The following SPATS2 variants were observed in gnomAD, a reference collection of about 807,000 sequenced individuals.
The protein encoded by SPATS2 is spermatogenesis-associated serine-rich protein 2.
In SPATS2, 38 loss-of-function variants were observed where a neutral mutation model predicts 63.7. That is an observed-to-expected ratio of 0.60 (90% confidence interval 0.46 to 0.78). The LOEUF (loss-of-function observed/expected upper bound fraction) is 0.78. Ranked by LOEUF, SPATS2 falls within the 30% of genes least tolerant of loss-of-function variation. SPATS2 has a pLI of 0.00. For synonymous variants in SPATS2, 207 were observed against 232.9 expected, an observed-to-expected ratio of 0.89 and a Z score of 1.01; for missense variants, 588 against 666.2, an observed-to-expected ratio of 0.88 and a Z score of 1.29.
At chr12:49,368,211 T>A (rs1257041817) in intron 1 of SPATS2, among the ~76,000 whole-genome samples, 1 of 152,236 alleles carries the variant, frequency 6.6e-6, no homozygotes, top group East Asian at 1.9e-4. Flanking sequence ...TTAGGTTCTT[T>A]TAGAAAGTGG....
rs61192626 is a variant in SPATS2 at position 49,507,438 on chromosome 12, G to A, written c.840-7117G>A. 6.0e-3 allele frequency among the ~76,000 whole-genome samples: 911 copies of A among 152,266 alleles called. 10 individuals carry two copies. The highest frequency in any genetic ancestry group is 0.02 in the African/African-American group (832 of 41,544). On this transcript the variant is annotated intron_variant, in intron 9 of 13. Coordinates refer to ENST00000552918, the MANE Select transcript of SPATS2 (RefSeq NM_023071.4). The stretch of plus-strand genomic sequence containing the variant: ...GCTATGGGGCAATAGTGAAAGTAGC[G>A]AGGGATGAAGTCAGAGGCTGAGGTA...
chr12:49,513,650 T>G (rs1467417090), intron 9 of SPATS2, among the ~76,000 whole-genome samples: 2 of 152,210 alleles, frequency 1.3e-5, no homozygotes, highest in Non-Finnish European at 2.9e-5. Flanking sequence ...TATGTGTTTC[T>G]CAGAAACTAG....
intron 3 of SPATS2, among the ~76,000 whole-genome samples, chr12:49,477,767 C>T (rs1458502252): frequency 6.6e-6 from 1 of 152,100 alleles, no homozygotes; most frequent in Admixed American, 6.6e-5. Context: ...TTCTAAATTT[C>T]CCTGATGTGC....
At position 49,526,299 on chromosome 12, in the gene SPATS2, C is replaced by G; in HGVS notation, c.*44C>G. 2 of 1,536,396 alleles carry G rather than the reference C, an allele frequency of 1.3e-6. No homozygotes were observed. Among genetic ancestry groups the G allele is most frequent in the South Asian group, 2.6e-5 (2 of 78,068 alleles). On this transcript the variant is annotated 3_prime_UTR_variant, in exon 14 of 14. Coordinates refer to ENST00000552918, the MANE Select transcript of SPATS2 (RefSeq NM_023071.4). ...TCTCTCCTCTATCCACACAATTCAACTTGATAACTGGACTTTAGGAAACTT... is the reference window on the plus strand; with the variant it reads ...TCTCTCCTCTATCCACACAATTCAAGTTGATAACTGGACTTTAGGAAACTT...
At chr12:49,464,627 TAAAAAAAA>T (rs562743662) in intron 3 of SPATS2, among the ~76,000 whole-genome samples, 1 of 107,262 alleles carries the variant, frequency 9.3e-6, no homozygotes, top group Non-Finnish European at 1.9e-5. Context: ...AACTCCATCT[TAAAAAAAA>T]AAAAAAAAAA....
At chr12:49,396,274 A>G (rs1944509725) in intron 2 of SPATS2, among the ~76,000 whole-genome samples, 1 of 152,222 alleles carries the variant, frequency 6.6e-6, no homozygotes, top group Non-Finnish European at 1.5e-5. Flanking sequence ...AGATTAGTGG[A>G]TCATGTCATA....
intron 2 of SPATS2, among the ~76,000 whole-genome samples, chr12:49,429,586 C>T (rs1217392995): frequency 1.3e-5 from 2 of 151,942 alleles, no homozygotes; most frequent in African/African-American, 2.4e-5. Flanking sequence ...GCTAGGGTTA[C>T]AAGCATGTGC....
intron 2 of SPATS2, among the ~76,000 whole-genome samples, chr12:49,418,401 G>A (rs1008534480): frequency 3.3e-5 from 5 of 152,056 alleles, no homozygotes; most frequent in Admixed American, 3.3e-4. Context: ...CCAGGTTCAA[G>A]GGATTCTCCG....
intron 2 of SPATS2, among the ~76,000 whole-genome samples, chr12:49,444,378 C>T (rs1041867961): frequency 2.0e-5 from 3 of 151,720 alleles, no homozygotes; most frequent in Non-Finnish European, 2.9e-5. Flanking sequence ...TCATTGTGCC[C>T]AGCTAATTTA....
chr12:49,478,955 G>C (rs1344541662), intron 3 of SPATS2, among the ~76,000 whole-genome samples: 1 of 152,024 alleles, frequency 6.6e-6, no homozygotes, highest in Non-Finnish European at 1.5e-5. Flanking sequence ...CCTCCTCTCT[G>C]TAGGCAGGTC....
chr12:49,476,184 A>C (rs1266805735), intron 3 of SPATS2, among the ~76,000 whole-genome samples: 1 of 152,142 alleles, frequency 6.6e-6, no homozygotes, highest in East Asian at 1.9e-4. Context: ...CGTGGAGAGG[A>C]GCACGTCAGG....
At chr12:49,489,342 C>T in intron 4 of SPATS2, 123 bp from the exon 5 acceptor site, 2 of 628,006 alleles carry the variant, frequency 3.2e-6, no homozygotes, top group Non-Finnish European at 5.5e-6. Context: ...CTGTCACTGA[C>T]ACTAAAGAGT....
intron 2 of SPATS2, among the ~76,000 whole-genome samples, chr12:49,459,471 C>T (rs1291416754): frequency 1.3e-5 from 2 of 152,026 alleles, no homozygotes; most frequent in Non-Finnish European, 2.9e-5. Flanking sequence ...GCCTCAGCCT[C>T]CTGAGTAGCT....
intron 2 of SPATS2, among the ~76,000 whole-genome samples, chr12:49,380,576 T>A (rs1174013996): frequency 6.6e-6 from 1 of 151,948 alleles, no homozygotes; most frequent in Non-Finnish European, 1.5e-5. Flanking sequence ...TGTGGTGGCG[T>A]GCGCCTGTAA....
At chr12:49,510,392 A>ATC (rs983744312) in intron 9 of SPATS2, among the ~76,000 whole-genome samples, 62 of 151,292 alleles carry the variant, frequency 4.1e-4, no homozygotes, top group African/African-American at 1.5e-3. Context: ...TGAAACCCCC[A>ATC]TCTCTACAAA....
In SPATS2 at chr12:49,462,287, G is replaced by A. The variant is rs1050046460; in HGVS notation, c.25+1250G>A. ...CAACTCCTCACAGGAAGGAGAGCGC[G>A]AGTGAACAAGGAAGGAACTGGAGGG... is the stretch of plus-strand genomic sequence containing the variant. On this transcript the variant is annotated intron_variant, in intron 3 of 13. Coordinates refer to ENST00000552918, the MANE Select transcript of SPATS2 (RefSeq NM_023071.4). The A allele has an allele frequency of 4.0e-5, 28 of 702,214 alleles. 1 individual carries two copies. Among genetic ancestry groups the A allele is most frequent in the Middle Eastern group, 4.6e-4 (2 of 4,386 alleles). 43.5% of individuals were successfully genotyped at this position (702,214 alleles called of 1,614,324 possible).
chr12:49,475,548 C>G (rs1261250986), intron 3 of SPATS2, among the ~76,000 whole-genome samples: 1 of 152,180 alleles, frequency 6.6e-6, no homozygotes, highest in Non-Finnish European at 1.5e-5. Flanking sequence ...TCAAGCAGTT[C>G]CCCTGCCTCA....
chr12:49,497,169 C>T (rs1304468978), intron 8 of SPATS2, among the ~76,000 whole-genome samples, 160 bp downstream of exon 8: 1 of 152,168 alleles, frequency 6.6e-6, no homozygotes, highest in East Asian at 1.9e-4. Context: ...TTCCCCTAAC[C>T]TTTGTGTACA....
chr12:49,493,397 CTTTTT>C (rs577929812), intron 6 of SPATS2, among the ~76,000 whole-genome samples: 1 of 139,096 alleles, frequency 7.2e-6, no homozygotes, highest in Admixed American at 7.2e-5. Context: ...ACTGAAACAT[CTTTTT>C]TTTTTTTTTT....
Sources: gnomAD v4.1 joint callset for allele counts (sites outside exome capture counted in the v4.1 genomes callset) on GRCh38, gnomAD v4.1.1 for gene constraint, MANE v1.5 for transcripts, NCBI Gene and HGNC (gene_info 2026-07-23, HGNC 2026-07-21) for gene names.